The following MIGA1 variants were observed in gnomAD, a reference collection of about 807,000 sequenced individuals.
MIGA1 encodes mitoguardin 1.
A neutral mutation model predicts 82.0 loss-of-function variants in MIGA1; 58 were observed. The observed-to-expected ratio is 0.71, with a 90% confidence interval of 0.57 to 0.88. MIGA1 has a LOEUF of 0.88. MIGA1 is among the 40% of genes least tolerant of loss of function. MIGA1 has a pLI of 0.00. For missense variants in MIGA1, 751 were observed against 749.1 expected (o/e 1.00, Z -0.03); for synonymous variants, 249 against 253.6 (o/e 0.98, Z 0.17).
intron 8 of MIGA1, among the ~76,000 whole-genome samples, chr1:77,854,942 T>C (rs1329578829): frequency 6.6e-6 from 1 of 152,246 alleles, no homozygotes; most frequent in Non-Finnish European, 1.5e-5. Context: ...CATTTGCTTT[T>C]GGGTTCTTAG....
intron 2 of MIGA1, among the ~76,000 whole-genome samples, chr1:77,795,497 C>T (rs557302791): frequency 4.1e-4 from 63 of 151,960 alleles, no homozygotes; most frequent in Admixed American, 2.1e-3. Context: ...CCATACCCTG[C>T]CAATTTTTGT....
chr1:77,876,639 A>G lies in MIGA1; in HGVS notation c.*1575A>G, dbSNP rs1167554634. The G allele has an allele frequency of 6.6e-6, 1 of 152,222 alleles. No homozygotes were observed. The highest frequency in any genetic ancestry group is 2.4e-5 in the African/African-American group (1 of 41,474). 9.4% of individuals were successfully genotyped at this position (152,222 alleles called of 1,614,324 possible). Reference sequence around the variant, plus strand: ...GTTATTCCCACAGAAAACTCAGCCCAGTGGGAATTTGTCATATTATGCCCA... The same window carrying G: ...GTTATTCCCACAGAAAACTCAGCCCGGTGGGAATTTGTCATATTATGCCCA... On this transcript the variant is annotated 3_prime_UTR_variant, in exon 16 of 16. Transcript: ENST00000370791.
At chr1:77,793,630 T>TACTTACAAAATTACATTACAAAGG (rs1682526001) in intron 2 of MIGA1, among the ~76,000 whole-genome samples, 1 of 150,926 alleles carries the variant, frequency 6.6e-6, no homozygotes, top group South Asian at 2.1e-4. Flanking sequence ...CAGCTAATTT[T>TACTTACAAAATTACATTACAAAGG]TTTTTTTTTT....
At chr1:77,827,320 C>T (rs918248199) in intron 7 of MIGA1, among the ~76,000 whole-genome samples, 1 of 151,946 alleles carries the variant, frequency 6.6e-6, no homozygotes, top group Non-Finnish European at 1.5e-5. Flanking sequence ...CAAAAAAATT[C>T]TCTGGAAGCT....
chr1:77,807,516 A>T (rs749392689), intron 5 of MIGA1, among the ~76,000 whole-genome samples: 5 of 152,202 alleles, frequency 3.3e-5, no homozygotes, highest in Non-Finnish European at 7.3e-5. Context: ...CTATAATTTT[A>T]AATGTTCTTA....
At chr1:77,834,108 C>T (rs867009975) in intron 7 of MIGA1, among the ~76,000 whole-genome samples, 4 of 152,202 alleles carry the variant, frequency 2.6e-5, no homozygotes, top group Non-Finnish European at 2.9e-5. Flanking sequence ...CATCACAAAT[C>T]AAGAACTTTG....
intron 7 of MIGA1, among the ~76,000 whole-genome samples, chr1:77,834,142 T>G (rs1267968272): frequency 6.6e-6 from 1 of 152,226 alleles, no homozygotes. Context: ...TTTTCTTTTT[T>G]TTTATTATTC....
chr1:77,840,017 A>C (rs759209272), intron 7 of MIGA1, among the ~76,000 whole-genome samples: 1 of 152,178 alleles, frequency 6.6e-6, no homozygotes, highest in Non-Finnish European at 1.5e-5. Context: ...ACAGGCGTGA[A>C]CCACTGTGCC....
chr1:77,861,067 C>A (rs973706999), intron 11 of MIGA1, 157 bp from the exon 12 acceptor site: 1 of 521,378 alleles, frequency 1.9e-6, no homozygotes, highest in South Asian at 3.1e-5. Flanking sequence ...GTTGCAATAG[C>A]AAAGTAGTAA....
At chr1:77,798,423 T>C (rs905336922) in intron 2 of MIGA1, among the ~76,000 whole-genome samples, 12 of 152,180 alleles carry the variant, frequency 7.9e-5, no homozygotes, top group Non-Finnish European at 1.6e-4. Context: ...CTCACAATTA[T>C]GGTAGAAGGC....
At chr1:77,870,496 C>T in intron 14 of MIGA1, among the ~76,000 whole-genome samples, 1 of 114,374 alleles carries the variant, frequency 8.7e-6, no homozygotes, top group African/African-American at 3.5e-5. Flanking sequence ...GGCGGCCGGG[C>T]AGAGACGCTC....
intron 7 of MIGA1, among the ~76,000 whole-genome samples, chr1:77,826,027 A>G (rs1466529315): frequency 6.6e-6 from 1 of 152,226 alleles, no homozygotes; most frequent in Admixed American, 6.5e-5. Context: ...GCATAGGCAC[A>G]TGGTAAACAC....
intron 14 of MIGA1, among the ~76,000 whole-genome samples, chr1:77,871,050 T>C (rs1045080999): frequency 1.5e-5 from 2 of 129,508 alleles, no homozygotes; most frequent in Non-Finnish European, 3.1e-5. Flanking sequence ...CGTCCAGCTT[T>C]GGCTCGGCAT....
At chr1:77,847,500 A>G (rs1684888572) in intron 8 of MIGA1, 2 of 1,433,676 alleles carry the variant, frequency 1.4e-6, no homozygotes, top group Non-Finnish European at 9.8e-7. Flanking sequence ...AGAACGAGAA[A>G]TGGAAAAGGA....
chr1:77,783,331 T>C lies in MIGA1; in HGVS notation c.175T>C (p.Trp59Arg). 1 of 1,593,572 alleles carries C rather than the reference T, an allele frequency of 6.3e-7. No individual in the cohort carries two copies. Among genetic ancestry groups the C allele is most frequent in the Non-Finnish European group, 8.6e-7 (1 of 1,165,370 alleles). Residue 59 changes from tryptophan (W) to arginine (R), a missense_variant, in exon 2 of 16, where the codon TGG becomes CGG. Coordinates refer to ENST00000370791, the MANE Select transcript of MIGA1 (RefSeq NM_198549.4). ...AAGAGTGTTTGATCTTCCTCTGACT[T>C]GGTACTATTCTCTCTCCCAGGTAAA... is the stretch of plus-strand genomic sequence containing the variant.
intron 14 of MIGA1, among the ~76,000 whole-genome samples, chr1:77,869,842 G>T (rs1358562495): frequency 3.8e-4 from 38 of 100,102 alleles, no homozygotes; most frequent in East Asian, 6.8e-4. Context: ...CCTCCCGGAC[G>T]GGGCGGCTGG....
chr1:77,810,891 A>C, intron 5 of MIGA1: 1 of 1,611,844 alleles, frequency 6.2e-7, no homozygotes, highest in Non-Finnish European at 8.5e-7. Context: ...GATGTAGATG[A>C]AGATAAAGTG....
intron 2 of MIGA1, among the ~76,000 whole-genome samples, chr1:77,791,075 A>G (rs1682397701): frequency 6.6e-6 from 1 of 152,184 alleles, no homozygotes; most frequent in Admixed American, 6.5e-5. Context: ...AGACCTTGTC[A>G]CTACAAAAAT....
chr1:77,856,681 C>A (rs573887783), intron 8 of MIGA1, among the ~76,000 whole-genome samples: 62 of 152,176 alleles, frequency 4.1e-4, no homozygotes, highest in Middle Eastern at 3.4e-3. Flanking sequence ...TCATAGTAAC[C>A]TTGAATGATC....
Sources: allele counts gnomAD v4.1 joint callset (sites outside exome capture counted in the v4.1 genomes callset), GRCh38; gene constraint gnomAD v4.1.1; transcripts MANE v1.5; gene names NCBI Gene and HGNC (gene_info 2026-07-23, HGNC 2026-07-21).